Variants in DNASE1 observed in about 807,000 individuals in gnomAD.
The protein encoded by DNASE1 is deoxyribonuclease 1.
A neutral mutation model predicts 33.9 loss-of-function variants in DNASE1; 40 were observed. That is an observed-to-expected ratio of 1.18 (90% CI 0.92 to 1.54). The LOEUF (loss-of-function observed/expected upper bound fraction) is 1.54. Among genes scored for constraint, DNASE1 ranks in the 40% most tolerant of loss-of-function variants. DNASE1 has a pLI of 0.00. For synonymous variants in DNASE1, 216 were observed against 160.0 expected, an observed-to-expected ratio of 1.35 and a Z score of -2.64; for missense variants, 518 against 372.6, an observed-to-expected ratio of 1.39 and a Z score of -3.21.
chr16:3,625,028 C>G (rs139860316), intron 1 of DNASE1, among the ~76,000 whole-genome samples: 5 of 151,966 alleles, frequency 3.3e-5, no homozygotes, highest in Admixed American at 6.6e-5. Context: ...TAATGGGGGC[C>G]GGGGGCAGTG....
exon 10 of DNASE1, chr16:3,664,209 T>G: frequency 6.9e-7 from 1 of 1,453,710 alleles, no homozygotes; most frequent in African/African-American, 1.4e-5. Flanking sequence ...AGCACAGAGC[T>G]GAGAAGGTCA....
intron 1 of DNASE1, among the ~76,000 whole-genome samples, chr16:3,627,937 C>CAAAAAAAAAA (rs55920324): frequency 1.2e-5 from 1 of 80,402 alleles, no homozygotes; most frequent in Non-Finnish European, 2.3e-5. Flanking sequence ...TCTATTTCTG[C>CAAAAAAAAAA]AAAAAAAAAA....
upstream of DNASE1, chr16:3,652,053 C>G (rs1042295396): frequency 2.6e-5 from 4 of 152,360 alleles, no homozygotes; most frequent in Non-Finnish European, 5.9e-5. Context: ...CTCACCAAAG[C>G]CCGTCCTGAG....
At chr16:3,658,500 G>A, downstream of DNASE1, 1 of 569,856 alleles carries the variant, frequency 1.8e-6, no homozygotes, top group Non-Finnish European at 3.1e-6. Context: ...TGGCCAAGAT[G>A]GTGAAAACCC....
upstream of DNASE1, chr16:3,652,108 C>A (rs2042355209): frequency 6.6e-6 from 1 of 152,554 alleles, no homozygotes; most frequent in Non-Finnish European, 1.5e-5. Context: ...ACAAGCGAGG[C>A]CCAAGTTCCA....
At chr16:3,659,845 T>A (rs1220349165), downstream of DNASE1, 1 of 152,072 alleles carries the variant, frequency 6.6e-6, no homozygotes, top group African/African-American at 2.4e-5. Context: ...AGCCTCCTGG[T>A]TTCAAGAGGT....
At chr16:3,648,530 A>C (rs1184379885) in intron 1 of DNASE1, among the ~76,000 whole-genome samples, 1 of 151,956 alleles carries the variant, frequency 6.6e-6, no homozygotes, top group Non-Finnish European at 1.5e-5. Flanking sequence ...CCAGAGGCGA[A>C]GCTCGCGTGA....
rs1262145142 is a variant in DNASE1 at position 3,656,866 on chromosome 16, T to G, written c.436+113T>G. 5.2e-6 allele frequency: 8 copies of G among 1,542,760 alleles called. No homozygotes were observed. The African/African-American group carries it at 1.1e-4, about 21-fold the overall frequency. On this transcript the variant is annotated intron_variant, in intron 5 of 8. Transcript: ENST00000246949. ...CACTGCCCTCCCAGTCCCTGGGGCT[T>G]GGGTTTTCCATTCAAGTCATTTGGA...
chr16:3,617,178 TAGC>T (rs370677374), intron 1 of DNASE1, among the ~76,000 whole-genome samples: 2 of 151,042 alleles, frequency 1.3e-5, no homozygotes, highest in African/African-American at 4.9e-5. Flanking sequence ...AATACAAAAT[TAGC>T]AGGGCGTGGT....
exon 10 of DNASE1, chr16:3,663,864 G>A: frequency 5.0e-6 from 2 of 401,090 alleles, no homozygotes; most frequent in Non-Finnish European, 9.1e-6. Context: ...ATGAGGTCAG[G>A]AGTTCGAGAC....
At position 3,657,183 on chromosome 16, in the gene DNASE1, G is replaced by A. The variant is rs539405862; in HGVS notation, c.550-4G>A. 3.8e-4 allele frequency: 617 copies of A among 1,614,130 alleles called. 5 individuals are homozygous for A. The South Asian group carries it at 6.0e-3, about 16-fold the overall frequency. On this transcript the variant is annotated splice_region_variant and splice_polypyrimidine_tract_variant and intron_variant, in intron 6 of 8. Transcript: ENST00000246949. The stretch of plus-strand genomic sequence containing the variant: ...CCAGGGCCACAGGCAGCGTTTCCTG[G>A]TAGGACGTCATGTTGATGGGCGACT...
At chr16:3,631,454 C>G (rs954808688) in intron 1 of DNASE1, among the ~76,000 whole-genome samples, 2 of 152,164 alleles carry the variant, frequency 1.3e-5, no homozygotes, top group Admixed American at 6.5e-5. Context: ...ATCCACCTGC[C>G]TCGGCCTCCC....
chr16:3,654,536 G>C, upstream of DNASE1: 1 of 398,678 alleles, frequency 2.5e-6, no homozygotes, highest in Middle Eastern at 6.3e-4. Context: ...GAGACAGGGA[G>C]ACTGGAGCCC....
chr16:3,622,241 G>C (rs1382761798), intron 1 of DNASE1, among the ~76,000 whole-genome samples: 1 of 149,288 alleles, frequency 6.7e-6, no homozygotes, highest in Non-Finnish European at 1.5e-5. Flanking sequence ...AACGGAGGCT[G>C]AATCAGTTTC....
intron 1 of DNASE1, among the ~76,000 whole-genome samples, chr16:3,624,268 C>CAA (rs768493205): frequency 3.7e-4 from 27 of 72,500 alleles, no homozygotes; most frequent in Middle Eastern, 0.013. Context: ...GACTCTGTCT[C>CAA]AAAAAAAAAA....
At chr16:3,655,241 G>A (rs1309973447) in intron 1 of DNASE1, 132 bp from the exon 2 acceptor site, 3 of 1,272,466 alleles carry the variant, frequency 2.4e-6, no homozygotes, top group South Asian at 1.4e-5. Flanking sequence ...TGTAGGAAAG[G>A]GTTTCCCCCG....
At chr16:3,655,308 C>A in intron 1 of DNASE1, 65 bp from the exon 2 acceptor site, 1 of 1,606,858 alleles carries the variant, frequency 6.2e-7, no homozygotes, top group Non-Finnish European at 8.5e-7. Flanking sequence ...CTCCAGAAGG[C>A]TGGAGTGCTG....
exon 10 of DNASE1, chr16:3,663,988 A>C: frequency 2.7e-6 from 1 of 367,058 alleles, no homozygotes; most frequent in Admixed American, 4.5e-5. Context: ...ACCTGAACCC[A>C]GGAGGCGGAA....
intron 1 of DNASE1, among the ~76,000 whole-genome samples, chr16:3,627,759 T>C (rs896132878): frequency 2.0e-5 from 3 of 152,188 alleles, no homozygotes; most frequent in Non-Finnish European, 2.9e-5. Flanking sequence ...TCTATTCCAA[T>C]AGTCTGTATG....
Sources: allele counts gnomAD v4.1 joint callset (sites outside exome capture counted in the v4.1 genomes callset), GRCh38; gene constraint gnomAD v4.1.1; transcripts MANE v1.5; gene names NCBI Gene and HGNC (gene_info 2026-07-23, HGNC 2026-07-21).